Variants in IMMP2L observed in about 807,000 individuals in gnomAD.
IMMP2L encodes mitochondrial inner membrane protease subunit 2.
IMMP2L carries 18 observed loss-of-function variants against 19.3 expected under a neutral mutation model. That is an observed-to-expected ratio of 0.93 (90% CI 0.64 to 1.38). The LOEUF (loss-of-function observed/expected upper bound fraction) is 1.38. IMMP2L is among the 40% of genes most tolerant of loss of function. The pLI is 0.00. For missense variants in IMMP2L, 233 were observed against 218.2 expected (o/e 1.07, Z -0.43); for synonymous variants, 76 against 73.0 (o/e 1.04, Z -0.21).
intron 3 of IMMP2L, among the ~76,000 whole-genome samples, chr7:110,990,420 C>T (rs1345699625): frequency 6.6e-6 from 1 of 152,138 alleles, no homozygotes; most frequent in African/African-American, 2.4e-5. Flanking sequence ...ACATTTATCA[C>T]CCCTGCTGTA....
At chr7:110,996,756 T>C (rs1305828170) in intron 3 of IMMP2L, among the ~76,000 whole-genome samples, 5 of 152,086 alleles carry the variant, frequency 3.3e-5, no homozygotes, top group African/African-American at 1.2e-4. Context: ...AGATTCTGTA[T>C]AACCTTCACT....
At chr7:111,499,576 T>G (rs931711915) in intron 2 of IMMP2L, among the ~76,000 whole-genome samples, 2 of 151,864 alleles carry the variant, frequency 1.3e-5, no homozygotes, top group African/African-American at 4.8e-5. Context: ...ACCAAACATA[T>G]AATGGAAAGA....
At chr7:111,015,449 T>G (rs1825399995) in intron 3 of IMMP2L, among the ~76,000 whole-genome samples, 1 of 152,068 alleles carries the variant, frequency 6.6e-6, no homozygotes. Context: ...GAGTTTTAGA[T>G]TTGCAAAATG....
chr7:111,311,788 A>G lies in IMMP2L; in HGVS notation c.239+175450T>C, dbSNP rs933941071. On this transcript the variant is annotated intron_variant, in intron 3 of 5. Coordinates refer to ENST00000405709, the MANE Select transcript of IMMP2L (RefSeq NM_032549.4). ...ATTTCAGCCACCATCAAAAATTAAA[A>G]GTTTGGTGTCACAATAGTCTGATTG... 8.5e-5 allele frequency among the ~76,000 whole-genome samples: 13 copies of G among 152,104 alleles called. No individual in the cohort carries two copies. The East Asian group carries it at 2.5e-3, about 29-fold the overall frequency.
intron 3 of IMMP2L, among the ~76,000 whole-genome samples, chr7:111,031,467 A>G (rs1790814670): frequency 6.6e-6 from 1 of 151,964 alleles, no homozygotes; most frequent in South Asian, 2.1e-4. Flanking sequence ...AAGCCAACTA[A>G]AACAGCTCCC....
At chr7:111,109,701 G>C (rs900680260) in intron 3 of IMMP2L, among the ~76,000 whole-genome samples, 1 of 152,120 alleles carries the variant, frequency 6.6e-6, no homozygotes, top group Admixed American at 6.5e-5. Flanking sequence ...ATTATTAGGG[G>C]AATCAGATAA....
chr7:110,940,662 T>C (rs1203907001), intron 4 of IMMP2L, among the ~76,000 whole-genome samples: 1 of 152,208 alleles, frequency 6.6e-6, no homozygotes, highest in Non-Finnish European at 1.5e-5. Context: ...GCGAATGAAC[T>C]GAACTCAGCT....
At chr7:111,307,770 T>G (rs1823037917) in intron 3 of IMMP2L, among the ~76,000 whole-genome samples, 1 of 151,834 alleles carries the variant, frequency 6.6e-6, no homozygotes, top group Non-Finnish European at 1.5e-5. Context: ...TGTTTCCAAC[T>G]TCCTTAGAAA....
chr7:111,559,047 C>G (rs145791905), intron 1 of IMMP2L, among the ~76,000 whole-genome samples: 83 of 152,246 alleles, frequency 5.5e-4, no homozygotes, highest in Admixed American at 4.4e-3. Context: ...ACCAGGTGCT[C>G]ATTTTCGGTG....
intron 3 of IMMP2L, among the ~76,000 whole-genome samples, chr7:111,480,674 G>A (rs544831823): frequency 8.7e-5 from 13 of 149,852 alleles, no homozygotes; most frequent in Admixed American, 5.3e-4. Flanking sequence ...TAAAAGTCAT[G>A]GTCTTTCTAC....
intron 5 of IMMP2L, among the ~76,000 whole-genome samples, chr7:110,818,714 T>G (rs1802760253): frequency 6.6e-6 from 1 of 152,050 alleles, no homozygotes; most frequent in Non-Finnish European, 1.5e-5. Flanking sequence ...CCAACCCAAA[T>G]GTCCAACAAC....
At chr7:110,730,691 A>AT (rs1003640766) in intron 5 of IMMP2L, among the ~76,000 whole-genome samples, 4 of 151,936 alleles carry the variant, frequency 2.6e-5, no homozygotes, top group South Asian at 2.1e-4. Context: ...CGCCCAGCTA[A>AT]TTTTTTTGTA....
At chr7:111,176,496 T>C (rs543117060) in intron 3 of IMMP2L, among the ~76,000 whole-genome samples, 3 of 151,980 alleles carry the variant, frequency 2.0e-5, no homozygotes, top group African/African-American at 4.8e-5. Flanking sequence ...GAGGTCACTA[T>C]GTTAAGTGAA....
At chr7:111,559,048 A>G (rs1487173243) in intron 1 of IMMP2L, among the ~76,000 whole-genome samples, 1 of 152,058 alleles carries the variant, frequency 6.6e-6, no homozygotes, top group Non-Finnish European at 1.5e-5. Flanking sequence ...CCAGGTGCTC[A>G]TTTTCGGTGG....
intron 3 of IMMP2L, among the ~76,000 whole-genome samples, chr7:110,993,900 G>T (rs1322221413): frequency 6.6e-6 from 1 of 151,998 alleles, no homozygotes; most frequent in Non-Finnish European, 1.5e-5. Context: ...ACTTCTTCCA[G>T]GTCCCCTCTG....
intron 3 of IMMP2L, chr7:111,125,055 G>A (rs1801151245): frequency 1.7e-6 from 1 of 579,304 alleles, no homozygotes; most frequent in Admixed American, 3.6e-5. Flanking sequence ...TGCTGCTCCT[G>A]ACCAATGGAA....
chr7:110,664,460 T>A (rs953128859), intron 5 of IMMP2L, among the ~76,000 whole-genome samples: 20 of 151,918 alleles, frequency 1.3e-4, no homozygotes, highest in Admixed American at 2.6e-4. Context: ...AGAATCCCCA[T>A]CAGCAGAGGA....
chr7:111,428,006 A>G (rs1184312521), intron 3 of IMMP2L, among the ~76,000 whole-genome samples: 1 of 151,758 alleles, frequency 6.6e-6, no homozygotes, highest in East Asian at 1.9e-4. Flanking sequence ...TCAATTTTTC[A>G]TCTTTCATGA....
intron 2 of IMMP2L, among the ~76,000 whole-genome samples, chr7:111,517,105 G>T (rs1179496613): frequency 6.7e-6 from 1 of 150,360 alleles, no homozygotes; most frequent in Non-Finnish European, 1.5e-5. Flanking sequence ...CTGACTGTAG[G>T]TTAAAATTTT....
Sources: allele counts gnomAD v4.1 joint callset (sites outside exome capture counted in the v4.1 genomes callset), GRCh38; gene constraint gnomAD v4.1.1; transcripts MANE v1.5; gene names NCBI Gene and HGNC (gene_info 2026-07-23, HGNC 2026-07-21).